The following CACNA2D2 variants were observed in gnomAD, a reference collection of about 807,000 sequenced individuals.
CACNA2D2 encodes the protein voltage-dependent calcium channel subunit alpha-2/delta-2.
A neutral mutation model predicts 166.4 loss-of-function variants in CACNA2D2; 48 were observed. That is an observed-to-expected ratio of 0.29 (90% CI 0.23 to 0.37). The LOEUF (loss-of-function observed/expected upper bound fraction) is 0.37, where lower values mean the gene tolerates loss of function less well. Among genes scored for constraint, CACNA2D2 ranks in the 10% least tolerant of loss-of-function variants. CACNA2D2 has a pLI of 1.00. For synonymous variants in CACNA2D2, 561 were observed against 573.7 expected (o/e 0.98, Z 0.32); for missense variants, 1,122 against 1,433.0 (o/e 0.78, Z 3.50).
At position 50,379,950 on chromosome 3, in the gene CACNA2D2, C is replaced by A; in HGVS notation, c.893+18G>T. The A allele has an allele frequency of 6.2e-7, 1 of 1,614,042 alleles. No individual in the cohort carries two copies. On this transcript the variant is annotated intron_variant, in intron 9 of 37. Coordinates refer to ENST00000424201, the MANE Select transcript of CACNA2D2 (RefSeq NM_006030.4). This position sits in a 1 kb window ranked among gnomAD's most constrained non-coding sequence, Gnocchi z 6.5. ...CCCGTCCCTGCCCCAGCCCCACTTG[C>A]CAGCACTGCTCACTCACACATCCAC...
chr3:50,388,311 G>A (rs1331780341), intron 4 of CACNA2D2, among the ~76,000 whole-genome samples: 4 of 152,208 alleles, frequency 2.6e-5, no homozygotes, highest in Non-Finnish European at 5.9e-5. Flanking sequence ...AACCGAGCGC[G>A]GCTGACAGAG....
intron 3 of CACNA2D2, among the ~76,000 whole-genome samples, chr3:50,412,199 G>A (rs1310855947): frequency 2.6e-5 from 4 of 152,170 alleles, no homozygotes; most frequent in African/African-American, 9.7e-5. Flanking sequence ...TTAATACTTT[G>A]CCAAATGAGT....
Position 50,365,490 on chromosome 3 carries a change from G to T in CACNA2D2, c.2972-8C>A, listed in dbSNP as rs771544610. ...CCTCGGCCTCCGCGGGGTCTGCGAG[G>T]GCCCAGAGCGCCTCAGCTCCGCCCA... On this transcript the variant is annotated splice_polypyrimidine_tract_variant and splice_region_variant and intron_variant, in intron 34 of 37. Transcript: ENST00000424201. The surrounding 1 kb of genome is among the most constrained non-coding windows in gnomAD (Gnocchi z 4.5). 1 of 1,612,700 alleles carries T rather than the reference G, an allele frequency of 6.2e-7. No individual in the cohort carries two copies. Among genetic ancestry groups the T allele is most frequent in the African/African-American group, 1.3e-5 (1 of 74,918 alleles).
chr3:50,454,213 C>A (rs778897591), intron 2 of CACNA2D2, among the ~76,000 whole-genome samples: 3 of 152,212 alleles, frequency 2.0e-5, no homozygotes, highest in Non-Finnish European at 4.4e-5. Flanking sequence ...TGTGTCTGAG[C>A]ACTGGGGAGG....
At chr3:50,473,650 C>T (rs888968724) in intron 2 of CACNA2D2, among the ~76,000 whole-genome samples, 2 of 152,198 alleles carry the variant, frequency 1.3e-5, no homozygotes, top group Admixed American at 1.3e-4. Context: ...GGACCGTCTT[C>T]GTGTGCATTT....
chr3:50,372,595 G>A (rs1211186042), intron 22 of CACNA2D2, among the ~76,000 whole-genome samples: 1 of 152,224 alleles, frequency 6.6e-6, no homozygotes, highest in Non-Finnish European at 1.5e-5. Context: ...GATCAGAGGA[G>A]GGAGAGCTAC....
chr3:50,365,751 C>T lies in CACNA2D2; in HGVS notation c.2915+59G>A. ...GAGGACGATGCCATGCCCTACTTCT[C>T]TTCTGAGCCCTCCCGGCCAGGGAGC... is the stretch of plus-strand genomic sequence containing the variant. On this transcript the variant is annotated intron_variant, in intron 33 of 37. Coordinates refer to ENST00000424201, the MANE Select transcript of CACNA2D2 (RefSeq NM_006030.4). The surrounding 1 kb of genome is among the most constrained non-coding windows in gnomAD (Gnocchi z 4.5). 5 of 1,609,708 alleles carry T rather than the reference C, an allele frequency of 3.1e-6. No homozygotes were observed. The highest frequency in any genetic ancestry group is 3.4e-6 in the Non-Finnish European group (4 of 1,178,264).
At chr3:50,414,228 G>A (rs189427834) in intron 3 of CACNA2D2, among the ~76,000 whole-genome samples, 36 of 152,076 alleles carry the variant, frequency 2.4e-4, no homozygotes, top group African/African-American at 7.5e-4. Flanking sequence ...GGCCCACACA[G>A]AGCCCAAGGT....
chr3:50,467,574 C>T (rs1187056409), intron 2 of CACNA2D2, among the ~76,000 whole-genome samples: 1 of 152,190 alleles, frequency 6.6e-6, no homozygotes, highest in East Asian at 1.9e-4. Flanking sequence ...CACACCTGCC[C>T]GCCTGCGTGT....
chr3:50,423,016 T>C (rs1707648700), intron 3 of CACNA2D2, among the ~76,000 whole-genome samples: 1 of 152,176 alleles, frequency 6.6e-6, no homozygotes, highest in Non-Finnish European at 1.5e-5. Context: ...CTGCTTCCCC[T>C]TTCTGGTCCC....
At chr3:50,371,369 T>A (rs587660947) in intron 22 of CACNA2D2, among the ~76,000 whole-genome samples, 1 of 151,932 alleles carries the variant, frequency 6.6e-6, no homozygotes, top group African/African-American at 2.4e-5. Flanking sequence ...TGTGTGTGTG[T>A]GCCTAAGTGT....
At chr3:50,462,754 C>T (rs2107017483) in intron 2 of CACNA2D2, among the ~76,000 whole-genome samples, 1 of 152,128 alleles carries the variant, frequency 6.6e-6, no homozygotes, top group Admixed American at 6.5e-5. Context: ...CTCTGGGGAG[C>T]TGGAAATGGA....
chr3:50,410,481 G>T (rs1338834772), intron 3 of CACNA2D2, among the ~76,000 whole-genome samples: 5 of 51,138 alleles, frequency 9.8e-5, no homozygotes, highest in East Asian at 7.7e-4. Context: ...TCCCTGGGAT[G>T]GGGGGGGGGG....
At chr3:50,381,697 A>G (rs1282310065) in intron 6 of CACNA2D2, among the ~76,000 whole-genome samples, 4 of 152,086 alleles carry the variant, frequency 2.6e-5, no homozygotes, top group Admixed American at 2.0e-4. Flanking sequence ...TCCTGCTTCA[A>G]CACAGGCAAG....
In CACNA2D2 at chr3:50,367,856, C is replaced by G. The variant is rs776081784; in HGVS notation, c.2190G>C (p.Thr730=). 7.0e-7 allele frequency: 1 copy of G among 1,438,798 alleles called. No homozygotes were observed. Among genetic ancestry groups the G allele is most frequent in the Admixed American group, 1.9e-5 (1 of 52,064 alleles). The allele number at this position is 1,438,798 out of a possible 1,614,324, so 89.1% of individuals were successfully genotyped here. Reference sequence around the variant, plus strand: ...TCCACACACGCTCTACCAGCTGCTGCGTGATGCCCGTGTCCAAGATCAGGT... The same window carrying G: ...TCCACACACGCTCTACCAGCTGCTGGGTGATGCCCGTGTCCAAGATCAGGT... ...LHNLILDTGI[T]QQLVERVWRD... The change falls in exon 25 of 38, where the codon ACG becomes ACC. Residue 730 remains threonine (T), a synonymous_variant. Transcript: ENST00000424201. This position sits in a 1 kb window ranked among gnomAD's most constrained non-coding sequence, Gnocchi z 6.5.
intron 13 of CACNA2D2, among the ~76,000 whole-genome samples, chr3:50,378,565 G>C (rs1186339640): frequency 6.6e-6 from 1 of 152,258 alleles, no homozygotes; most frequent in Non-Finnish European, 1.5e-5. Context: ...GATGGGGAGG[G>C]AGGAGCCTGA....
intron 2 of CACNA2D2, among the ~76,000 whole-genome samples, chr3:50,441,879 G>A (rs569062465): frequency 3.9e-5 from 6 of 152,314 alleles, no homozygotes; most frequent in African/African-American, 1.4e-4. Flanking sequence ...AATCCAGCTC[G>A]GAAGTGGGAG....
chr3:50,426,691 C>G (rs1175096852), intron 3 of CACNA2D2, among the ~76,000 whole-genome samples: 1 of 152,164 alleles, frequency 6.6e-6, no homozygotes, highest in Non-Finnish European at 1.5e-5. Context: ...CTTCTGACCC[C>G]TCCTGAGGTC....
At chr3:50,468,282 A>C (rs531741521) in intron 2 of CACNA2D2, among the ~76,000 whole-genome samples, 1 of 152,198 alleles carries the variant, frequency 6.6e-6, no homozygotes, top group South Asian at 2.1e-4. Context: ...ACTCTTCAAC[A>C]AGATGCAAGG....
Sources: gnomAD v4.1 joint callset for allele counts (sites outside exome capture counted in the v4.1 genomes callset) on GRCh38, gnomAD v4.1.1 for gene constraint, Gnocchi (gnomAD v3.1) non-coding constraint, MANE v1.5 for transcripts, NCBI Gene and HGNC (gene_info 2026-07-23, HGNC 2026-07-21) for gene names.